LRP11: variants seen among roughly 807,000 people sequenced by gnomAD.
LRP11 encodes LDL receptor related protein 11, also known as low-density lipoprotein receptor-related protein 11.
Under a neutral mutation model 43.1 loss-of-function variants are expected in LRP11, and 25 were observed. The observed-to-expected ratio is 0.58, with a 90% CI of 0.42 to 0.81. The LOEUF (loss-of-function observed/expected upper bound fraction) is 0.81, where lower values mean the gene tolerates loss of function less well. LRP11 is among the 30% of genes least tolerant of loss of function. The pLI, the probability that LRP11 is intolerant of heterozygous loss-of-function variation, is 0.00. For synonymous variants in LRP11, 316 were observed against 299.4 expected, an observed-to-expected ratio of 1.06 and a Z score of -0.57; for missense variants, 623 against 665.1, an observed-to-expected ratio of 0.94 and a Z score of 0.70.
chr6:149,856,864 C>G (rs758681628), intron 1 of LRP11, among the ~76,000 whole-genome samples: 11 of 152,278 alleles, frequency 7.2e-5, no homozygotes, highest in Non-Finnish European at 1.2e-4. Flanking sequence ...CTGGAAAGAA[C>G]CCTGAAGTCA....
chr6:149,852,427 T>C (rs373621150), intron 2 of LRP11: 2 of 152,182 alleles, frequency 1.3e-5, no homozygotes, highest in Non-Finnish European at 2.9e-5. Context: ...TTCCTGAGCA[T>C]AGGCAGCCAC....
At chr6:149,838,827 T>C (rs1776506800) in intron 3 of LRP11, among the ~76,000 whole-genome samples, 1 of 152,168 alleles carries the variant, frequency 6.6e-6, no homozygotes, top group South Asian at 2.1e-4. Flanking sequence ...CCAACTTTAT[T>C]AGACTTAGCT....
chr6:149,852,909 G>A (rs750851329), intron 2 of LRP11, 94 bp downstream of exon 2: 20 of 1,130,130 alleles, frequency 1.8e-5, no homozygotes, highest in African/African-American at 7.9e-5. Flanking sequence ...TTCTGCTAGC[G>A]TACAGACATT....
At chr6:149,842,806 G>A in intron 3 of LRP11, 177 bp downstream of exon 3, 1 of 1,203,172 alleles carries the variant, frequency 8.3e-7, no homozygotes, top group Non-Finnish European at 1.2e-6. Context: ...CATCGGCTAA[G>A]CCCAAAACAG....
intron 3 of LRP11, chr6:149,842,566 C>G (rs775650666): frequency 7.2e-7 from 1 of 1,383,386 alleles, no homozygotes; most frequent in Non-Finnish European, 1.0e-6. Flanking sequence ...GTCCGTCCCC[C>G]GCACAGCCTC....
chr6:149,840,937 G>C (rs751022067), intron 3 of LRP11, among the ~76,000 whole-genome samples: 4 of 152,204 alleles, frequency 2.6e-5, no homozygotes, highest in African/African-American at 4.8e-5. Flanking sequence ...TAGCAGGGCT[G>C]ATGGAATCCG....
rs780822598 is a variant in LRP11 at position 149,863,783 on chromosome 6, G to GCAGCTC, written c.232_237dup (p.Glu78_Leu79dup). On this transcript the variant is annotated inframe_insertion, in exon 1 of 7. Coordinates refer to ENST00000239367, the MANE Select transcript of LRP11 (RefSeq NM_032832.6). Reference sequence around the variant, plus strand: ...TCCTCCTGGGGGCCGCCGCCCGCGCGCAGCTCCAGCTCCAGCTCCTCCTGA... The same window carrying GCAGCTC: ...TCCTCCTGGGGGCCGCCGCCCGCGCGCAGCTCCAGCTCCAGCTCCAGCTCCTCCTGA... The GCAGCTC allele has an allele frequency of 1.6e-5, 24 of 1,480,530 alleles. No individual in the cohort carries two copies. The South Asian group carries it at 1.7e-4, about 10-fold the overall frequency. 91.7% of individuals were successfully genotyped at this position (1,480,530 alleles called of 1,614,324 possible).
At chr6:149,836,438 T>C (rs1452796888) in intron 4 of LRP11, 141 bp from the exon 5 acceptor site, 3 of 685,010 alleles carry the variant, frequency 4.4e-6, no homozygotes, top group Non-Finnish European at 2.5e-6. Flanking sequence ...CAGAGGACCA[T>C]AAAAATCTAT....
rs1263379556 is a variant in LRP11 at position 149,863,457 on chromosome 6, G to T, written c.564C>A (p.Arg188=). 3 of 1,330,300 alleles carry T rather than the reference G, an allele frequency of 2.3e-6. No homozygotes were observed. Among genetic ancestry groups the T allele is most frequent in the Non-Finnish European group, 2.9e-6 (3 of 1,048,898 alleles). The allele number at this position is 1,330,300 out of a possible 1,614,324, so 82.4% of individuals were successfully genotyped here. A position where few individuals can be genotyped will look rare whatever the true frequency, so the allele number is the denominator to read the frequency against. Residue 188 remains arginine (R), a synonymous_variant, in exon 1 of 7, where the codon CGC becomes CGA. Transcript: ENST00000239367. The part of the protein sequence containing the change: ...HSGYSSYSLS[R]APDGAALATA... Reference sequence around the variant, plus strand: ...TGGCCAGGGCGGCGCCGTCCGGCGCGCGGCTGAGGCTGTAGCTGCTGTAGC... The same window carrying T: ...TGGCCAGGGCGGCGCCGTCCGGCGCTCGGCTGAGGCTGTAGCTGCTGTAGC...
chr6:149,826,179 T>C, intron 6 of LRP11, 85 bp downstream of exon 6: 3 of 1,030,660 alleles, frequency 2.9e-6, no homozygotes, highest in Non-Finnish European at 3.1e-6. Context: ...TGAGCTCTCA[T>C]GGCCTCAGGG....
At chr6:149,858,268 A>G (rs577726434) in intron 1 of LRP11, among the ~76,000 whole-genome samples, 3 of 151,818 alleles carry the variant, frequency 2.0e-5, no homozygotes, top group Non-Finnish European at 2.9e-5. Flanking sequence ...TCATTGTTCA[A>G]CTCCCACTTA....
Position 149,864,064 on chromosome 6 carries a change from C to A in LRP11, c.-44G>T. On this transcript the variant is annotated 5_prime_UTR_variant, in exon 1 of 7. Coordinates refer to ENST00000239367, the MANE Select transcript of LRP11 (RefSeq NM_032832.6). ...CAGCGAGCCGAGGCGGGGCTGAGCG[C>A]GGGAGGAAGGCGGGGACGCGGGCGA... 2 of 1,266,978 alleles carry A rather than the reference C, an allele frequency of 1.6e-6. No homozygotes were observed. Among genetic ancestry groups the A allele is most frequent in the Non-Finnish European group, 2.0e-6 (2 of 1,009,392 alleles). 78.5% of individuals were successfully genotyped at this position (1,266,978 alleles called of 1,614,324 possible). A position where few individuals can be genotyped will look rare whatever the true frequency, so the allele number is the denominator to read the frequency against.
chr6:149,854,522 A>G (rs1776769676), intron 1 of LRP11, among the ~76,000 whole-genome samples: 1 of 152,268 alleles, frequency 6.6e-6, no homozygotes, highest in Admixed American at 6.5e-5. Flanking sequence ...TAAGCTGTAC[A>G]AAGAAAACAT....
intron 3 of LRP11, among the ~76,000 whole-genome samples, chr6:149,839,278 A>G (rs569497044): frequency 8.5e-5 from 13 of 152,124 alleles, no homozygotes; most frequent in Non-Finnish European, 1.8e-4. Context: ...TTGAAGATAT[A>G]TTGATCCAGG....
chr6:149,839,142 G>A (rs983263743), intron 3 of LRP11, among the ~76,000 whole-genome samples: 2 of 148,882 alleles, frequency 1.3e-5, no homozygotes, highest in African/African-American at 5.0e-5. Context: ...CAATCCTCCT[G>A]CCTCAGCCTC....
chr6:149,842,565 CCG>C, intron 3 of LRP11: 1 of 1,370,558 alleles, frequency 7.3e-7, no homozygotes, highest in Non-Finnish European at 1.0e-6. Context: ...AGTCCGTCCC[CCG>C]CACAGCCTCC....
At chr6:149,826,138 C>A (rs1392810879) in intron 6 of LRP11, 126 bp downstream of exon 6, 6 of 780,564 alleles carry the variant, frequency 7.7e-6, no homozygotes, top group Non-Finnish European at 1.4e-5. Context: ...GGAGACAGTT[C>A]TTTCGGTCCA....
chr6:149,856,018 T>C (rs1293805886), intron 1 of LRP11, among the ~76,000 whole-genome samples: 2 of 152,176 alleles, frequency 1.3e-5, no homozygotes, highest in African/African-American at 4.8e-5. Context: ...TTCTGAAAGG[T>C]TCATTGTTTC....
intron 1 of LRP11, among the ~76,000 whole-genome samples, chr6:149,861,430 C>T (rs1776892437): frequency 6.6e-6 from 1 of 152,126 alleles, no homozygotes; most frequent in African/African-American, 2.4e-5. Flanking sequence ...AAAACAATTC[C>T]TAGACAAACT....
Sources: allele counts gnomAD v4.1 joint callset (sites outside exome capture counted in the v4.1 genomes callset), GRCh38; gene constraint gnomAD v4.1.1; transcripts MANE v1.5; gene names NCBI Gene and HGNC (gene_info 2026-07-23, HGNC 2026-07-21).